Variants in BCAS3 observed in about 807,000 individuals in gnomAD.
The protein encoded by BCAS3 is BCAS3 microtubule associated cell migration factor.
In BCAS3, 53 loss-of-function variants were observed where a neutral mutation model predicts 116.1. That is an observed-to-expected ratio of 0.46 (90% CI 0.37 to 0.57). The LOEUF is 0.57. BCAS3 is among the 20% of genes least tolerant of loss of function. BCAS3 has a pLI of 0.00. For missense variants in BCAS3, 917 were observed against 1,165.4 expected, an observed-to-expected ratio of 0.79 and a Z score of 3.10; for synonymous variants, 391 against 408.2, an observed-to-expected ratio of 0.96 and a Z score of 0.51.
intron 5 of BCAS3, among the ~76,000 whole-genome samples, chr17:60,739,808 A>G (rs2041347841): frequency 6.6e-6 from 1 of 152,026 alleles, no homozygotes; most frequent in Non-Finnish European, 1.5e-5. Context: ...TTTGTCCAAG[A>G]AAGTTTTTGT....
chr17:60,747,053 T>C (rs2042065849), intron 5 of BCAS3, 145 bp from the exon 6 acceptor site: 1 of 521,134 alleles, frequency 1.9e-6, no homozygotes, highest in Non-Finnish European at 3.4e-6. Flanking sequence ...ACTTAACATG[T>C]ATGACCAATG....
chr17:60,869,939 C>T (rs547368023), intron 8 of BCAS3, among the ~76,000 whole-genome samples: 2 of 152,276 alleles, frequency 1.3e-5, no homozygotes, highest in South Asian at 2.1e-4. Context: ...AACAACAACA[C>T]AAAACTCTTT....
Position 61,217,895 on chromosome 17 carries a change from G to A in BCAS3, c.2425+133331G>A, listed in dbSNP as rs565457499. Among the ~76,000 whole-genome samples the A allele has an allele frequency of 3.9e-5, 6 of 152,258 alleles. No homozygotes were observed. In the South Asian group the frequency reaches 1.2e-3, roughly 32 times the overall value. On this transcript the variant is annotated intron_variant, in intron 22 of 23. Transcript: ENST00000407086. This position sits in a 1 kb window ranked among gnomAD's most constrained non-coding sequence, Gnocchi z 5.2. The stretch of plus-strand genomic sequence containing the variant: ...AACAACAGTCTTGGTGGCTGACTTT[G>A]TTGCTCCTGTGAGAGGCCTTCATGC...
chr17:60,816,273 TC>T (rs1274218325), intron 7 of BCAS3, among the ~76,000 whole-genome samples: 9 of 132,902 alleles, frequency 6.8e-5, no homozygotes, highest in African/African-American at 3.6e-4. Flanking sequence ...TCTTTCTTTT[TC>T]TTTTCTTTTT....
At chr17:60,852,097 A>G (rs561095314) in intron 7 of BCAS3, among the ~76,000 whole-genome samples, 33 of 152,184 alleles carry the variant, frequency 2.2e-4, no homozygotes, top group African/African-American at 7.7e-4. Flanking sequence ...TCCTGCATTT[A>G]ATGTCTTGAA....
chr17:60,793,733 C>CA (rs2046977389), intron 6 of BCAS3, among the ~76,000 whole-genome samples: 1 of 152,162 alleles, frequency 6.6e-6, no homozygotes, highest in Non-Finnish European at 1.5e-5. Flanking sequence ...GCTGTTAGTT[C>CA]ATTCCTTTTT....
chr17:61,057,053 T>G (rs954200486), intron 19 of BCAS3, among the ~76,000 whole-genome samples: 3 of 152,226 alleles, frequency 2.0e-5, no homozygotes, highest in Admixed American at 2.0e-4. Context: ...GGAAATGTAA[T>G]CATATAAATA....
Position 61,145,932 on chromosome 17 carries a change from C to T in BCAS3, c.2425+61368C>T, listed in dbSNP as rs758541. 0.91 allele frequency among the ~76,000 whole-genome samples: 137,980 copies of T among 151,894 alleles called. 64,184 individuals carry two copies. The highest frequency in any genetic ancestry group is 1 in the East Asian group (5,156 of 5,156). ...CAGAGACTGCCAAACCTTCCATTGC[C>T]GCTTCCAAGATACTCCTGGAATCTG... is the stretch of plus-strand genomic sequence containing the variant. On this transcript the variant is annotated intron_variant, in intron 22 of 23. Coordinates refer to ENST00000407086, the MANE Select transcript of BCAS3 (RefSeq NM_017679.5). The surrounding 1 kb of genome is among the most constrained non-coding windows in gnomAD (Gnocchi z 5.0).
Position 61,347,193 on chromosome 17 carries a change from C to T in BCAS3, c.2426-21134C>T, listed in dbSNP as rs565402128. On this transcript the variant is annotated intron_variant, in intron 22 of 23. Coordinates refer to ENST00000407086, the MANE Select transcript of BCAS3 (RefSeq NM_017679.5). This position sits in a 1 kb window ranked among gnomAD's most constrained non-coding sequence, Gnocchi z 4.3. ...GGGTTCAAGCGATTCTCCTGCCTCC[C>T]GCCTCAGCCTCCCGAGTAGCTGGGA... Among the ~76,000 whole-genome samples, 5 of 152,242 alleles carry T rather than the reference C, an allele frequency of 3.3e-5. No individual in the cohort carries two copies. The highest frequency in any genetic ancestry group is 7.4e-5 in the Non-Finnish European group (5 of 68,018).
intron 22 of BCAS3, among the ~76,000 whole-genome samples, chr17:61,330,215 C>T (rs1188727600): frequency 6.6e-6 from 1 of 151,872 alleles, no homozygotes; most frequent in African/African-American, 2.4e-5. Flanking sequence ...CTTCCCTTTT[C>T]TCTCCACCTC....
rs952354742 is a variant in BCAS3 at position 61,316,336 on chromosome 17, G to A, written c.2426-51991G>A. Among the ~76,000 whole-genome samples the A allele has an allele frequency of 6.6e-6, 1 of 152,086 alleles. No individual in the cohort carries two copies. The highest frequency in any genetic ancestry group is 2.4e-5 in the African/African-American group (1 of 41,406). ...TAATAATATTAATAGTAATATAGCA[G>A]GTACTTAGTAAATGTGTGCTGAATG... On this transcript the variant is annotated intron_variant, in intron 22 of 23. Coordinates refer to ENST00000407086, the MANE Select transcript of BCAS3 (RefSeq NM_017679.5). The surrounding 1 kb of genome is among the most constrained non-coding windows in gnomAD (Gnocchi z 5.8).
Position 61,087,152 on chromosome 17 carries a change from C to T in BCAS3, c.2425+2588C>T, listed in dbSNP as rs994305000. The T allele has an allele frequency of 1.1e-5, 11 of 985,216 alleles. No homozygotes were observed. Among genetic ancestry groups the T allele is most frequent in the Admixed American group, 6.2e-5 (1 of 16,246 alleles). The allele number at this position is 985,216 out of a possible 1,614,324, so 61.0% of individuals were successfully genotyped here. On this transcript the variant is annotated intron_variant, in intron 22 of 23. Coordinates refer to ENST00000407086, the MANE Select transcript of BCAS3 (RefSeq NM_017679.5). The surrounding 1 kb of genome is among the most constrained non-coding windows in gnomAD (Gnocchi z 4.6). ...AATTGCTCTTGAACCGGGAAGTGCA[C>T]CTCTGATTATGATCCATGCATTGGA...
chr17:61,320,448 G>C (rs1461704364), intron 22 of BCAS3, among the ~76,000 whole-genome samples: 1 of 151,972 alleles, frequency 6.6e-6, no homozygotes, highest in African/African-American at 2.4e-5. Context: ...TTGGAAGGTA[G>C]AGGCGGACAG....
intron 7 of BCAS3, among the ~76,000 whole-genome samples, chr17:60,840,056 C>G (rs1030398170): frequency 2.0e-5 from 3 of 150,860 alleles, no homozygotes; most frequent in African/African-American, 7.3e-5. Context: ...AAAAAAAAAC[C>G]CTCTATTTTG....
chr17:61,006,018 A>G (rs938186914), intron 15 of BCAS3, among the ~76,000 whole-genome samples: 10 of 151,726 alleles, frequency 6.6e-5, no homozygotes, highest in East Asian at 1.9e-4. Flanking sequence ...TCATTGTTCA[A>G]TTCCCACCTA....
At chr17:60,925,741 A>G (rs547187616) in intron 13 of BCAS3, among the ~76,000 whole-genome samples, 1 of 152,196 alleles carries the variant, frequency 6.6e-6, no homozygotes, top group East Asian at 1.9e-4. Context: ...TAAATGACCA[A>G]TTTTCACAGT....
At chr17:60,759,670 T>TTTTTTTTTTTTTTTTTC (rs2043332415) in intron 6 of BCAS3, among the ~76,000 whole-genome samples, 1 of 152,062 alleles carries the variant, frequency 6.6e-6, no homozygotes, top group African/African-American at 2.4e-5. Flanking sequence ...TTGTTTCATT[T>TTTTTTTTTTTTTTTTTC]TGTTTATTTT....
intron 22 of BCAS3, among the ~76,000 whole-genome samples, chr17:61,236,831 T>C (rs985501608): frequency 1.3e-5 from 2 of 151,580 alleles, no homozygotes; most frequent in East Asian, 3.9e-4. Context: ...TAGGATTGAA[T>C]CTTTAAATGT....
At chr17:61,174,038 C>G (rs572164696) in intron 22 of BCAS3, among the ~76,000 whole-genome samples, 1 of 152,254 alleles carries the variant, frequency 6.6e-6, no homozygotes, top group South Asian at 2.1e-4. Flanking sequence ...GTCAGTTCCT[C>G]TAATGATACT....
Sources: gnomAD v4.1 joint callset for allele counts (sites outside exome capture counted in the v4.1 genomes callset) on GRCh38, gnomAD v4.1.1 for gene constraint, Gnocchi (gnomAD v3.1) non-coding constraint, MANE v1.5 for transcripts, NCBI Gene and HGNC (gene_info 2026-07-23, HGNC 2026-07-21) for gene names.